Variants in PPM1H observed in about 807,000 individuals in gnomAD.
PPM1H encodes protein phosphatase, Mg2+/Mn2+ dependent 1H.
Under a neutral mutation model 54.9 loss-of-function variants are expected in PPM1H, and 27 were observed. The ratio of observed to expected loss-of-function variants is 0.49; its 90% CI spans 0.36 to 0.68. The LOEUF (loss-of-function observed/expected upper bound fraction) is 0.68, where lower values mean the gene tolerates loss of function less well. Ranked by LOEUF, PPM1H falls within the 30% of genes least tolerant of loss-of-function variation. The probability of loss-of-function intolerance (pLI) is 0.00; values close to 1 mark genes in which losing one functional copy is unlikely to be tolerated. For missense variants in PPM1H, 596 were observed against 667.8 expected (o/e 0.89, Z 1.19); for synonymous variants, 305 against 270.8 (o/e 1.13, Z -1.24).
intron 4 of PPM1H, among the ~76,000 whole-genome samples, chr12:62,770,399 C>A (rs1384110685): frequency 6.6e-6 from 1 of 152,176 alleles, no homozygotes; most frequent in Non-Finnish European, 1.5e-5. Flanking sequence ...GAAGCCAGGA[C>A]CTGAATCCAG....
At chr12:62,909,831 G>A (rs539697771) in intron 1 of PPM1H, among the ~76,000 whole-genome samples, 78 of 152,296 alleles carry the variant, frequency 5.1e-4, no homozygotes, top group African/African-American at 1.8e-3. Flanking sequence ...ACCTTCGCAC[G>A]TGGCAGTGAA....
intron 4 of PPM1H, among the ~76,000 whole-genome samples, chr12:62,739,908 A>G (rs1173388237): frequency 6.6e-6 from 1 of 152,224 alleles, no homozygotes; most frequent in Non-Finnish European, 1.5e-5. Flanking sequence ...CTCCTCAGCT[A>G]TCTTTTCCTC....
intron 9 of PPM1H, among the ~76,000 whole-genome samples, chr12:62,662,117 A>T (rs920261660): frequency 2.6e-5 from 4 of 152,196 alleles, no homozygotes; most frequent in Non-Finnish European, 5.9e-5. Flanking sequence ...TGGCATGTGC[A>T]CGCTGCCCAC....
At chr12:62,689,912 C>T (rs1461715182) in intron 7 of PPM1H, 106 bp from the exon 8 acceptor site, 60 of 716,622 alleles carry the variant, frequency 8.4e-5, no homozygotes, top group Non-Finnish European at 1.2e-4. Context: ...TCCAGTTCCT[C>T]CTGCCCAGAT....
chr12:62,668,484 T>C (rs1224160291), intron 8 of PPM1H, among the ~76,000 whole-genome samples: 4 of 152,170 alleles, frequency 2.6e-5, no homozygotes, highest in African/African-American at 4.8e-5. Context: ...CAAGCGATTC[T>C]CCCGCTTCAG....
chr12:62,898,664 G>C (rs1327499108), intron 1 of PPM1H, among the ~76,000 whole-genome samples: 2 of 152,048 alleles, frequency 1.3e-5, no homozygotes, highest in African/African-American at 4.8e-5. Context: ...AGGCATACTT[G>C]CAAAGAAGCC....
intron 4 of PPM1H, among the ~76,000 whole-genome samples, chr12:62,754,992 G>T (rs1404982711): frequency 6.6e-6 from 1 of 152,176 alleles, no homozygotes; most frequent in Admixed American, 6.5e-5. Flanking sequence ...GGTCAATTCA[G>T]TTCTGAGAGA....
intron 1 of PPM1H, among the ~76,000 whole-genome samples, chr12:62,892,527 C>T (rs1448750716): frequency 6.6e-6 from 1 of 152,192 alleles, no homozygotes; most frequent in Non-Finnish European, 1.5e-5. Flanking sequence ...CTTCACTAAT[C>T]CCAAATTTAC....
At chr12:62,879,756 TATA>T (rs560059829) in intron 1 of PPM1H, among the ~76,000 whole-genome samples, 2 of 151,750 alleles carry the variant, frequency 1.3e-5, no homozygotes, top group African/African-American at 2.4e-5. Context: ...GAACTTAAAG[TATA>T]ATAATAATAA....
intron 9 of PPM1H, among the ~76,000 whole-genome samples, chr12:62,665,993 T>C (rs570866448): frequency 6.6e-6 from 1 of 152,272 alleles, no homozygotes; most frequent in East Asian, 1.9e-4. Context: ...TCTCCCAAAG[T>C]GTTGGGATTA....
rs1477808958 is a variant in PPM1H at position 62,846,449 on chromosome 12, G to A, written c.246-14170C>T. On this transcript the variant is annotated intron_variant, in intron 1 of 9. Transcript: ENST00000228705. Reference sequence around the variant, plus strand: ...CAGGAGGCGGAGGTTGCAGTGAGCCGAGATTGCGCCACTGCACTCCAGCCT... The same window carrying A: ...CAGGAGGCGGAGGTTGCAGTGAGCCAAGATTGCGCCACTGCACTCCAGCCT... 2.6e-5 allele frequency among the ~76,000 whole-genome samples: 4 copies of A among 151,214 alleles called. No homozygotes were observed. In the East Asian group the frequency reaches 5.8e-4, roughly 22 times the overall value.
At position 62,934,635 on chromosome 12, in the gene PPM1H, G is replaced by A. The variant is rs866669891; in HGVS notation, c.102C>T (p.Asp34=). The change falls in exon 1 of 10, where the codon GAC becomes GAT. Residue 34 remains aspartate, a synonymous_variant. Coordinates refer to ENST00000228705, the MANE Select transcript of PPM1H (RefSeq NM_020700.2). This position sits in a 1 kb window ranked among gnomAD's most constrained non-coding sequence, Gnocchi z 4.2. The stretch of plus-strand genomic sequence containing the variant: ...GCCCGTAGGGGAAACGCAGGGGCAG[G>A]TCCGAGCCTCCGCAGCTGCCGCCGC... ...EHGGGSCGGS[D]LPLRFPYGRP... 1.3e-5 allele frequency: 21 copies of A among 1,593,010 alleles called. No homozygotes were observed. The highest frequency in any genetic ancestry group is 1.6e-5 in the Non-Finnish European group (19 of 1,171,352).
At chr12:62,819,896 G>A (rs1044001635) in intron 2 of PPM1H, among the ~76,000 whole-genome samples, 12 of 152,214 alleles carry the variant, frequency 7.9e-5, no homozygotes, top group African/African-American at 2.4e-4. Context: ...TCGAACTGAG[G>A]TACCTGGTTC....
intron 9 of PPM1H, chr12:62,659,065 A>G: frequency 1.4e-6 from 1 of 727,682 alleles, no homozygotes; most frequent in Admixed American, 1.7e-5. Context: ...CACAGCGTCA[A>G]GGAGCCGGAA....
chr12:62,841,237 A>G (rs1292266943), intron 1 of PPM1H, among the ~76,000 whole-genome samples: 3 of 152,194 alleles, frequency 2.0e-5, no homozygotes, highest in Non-Finnish European at 2.9e-5. Context: ...AGTAGCTGCC[A>G]AGTTCAACTT....
At chr12:62,685,498 T>A (rs958162135) in intron 8 of PPM1H, among the ~76,000 whole-genome samples, 2 of 152,248 alleles carry the variant, frequency 1.3e-5, no homozygotes, top group East Asian at 3.8e-4. Context: ...ATTAACTGTA[T>A]AACTTTGGGG....
At chr12:62,713,686 G>T (rs770710199) in intron 6 of PPM1H, among the ~76,000 whole-genome samples, 8 of 152,056 alleles carry the variant, frequency 5.3e-5, no homozygotes, top group Non-Finnish European at 1.2e-4. Context: ...AAACTCTTTG[G>T]GGCCAGGTTT....
At chr12:62,649,222 AT>A (rs748414376) in intron 9 of PPM1H, among the ~76,000 whole-genome samples, 30 of 148,130 alleles carry the variant, frequency 2.0e-4, no homozygotes, top group Middle Eastern at 3.4e-3. Flanking sequence ...AATTTATTTA[AT>A]TTTTTTTTTT....
intron 1 of PPM1H, among the ~76,000 whole-genome samples, chr12:62,847,138 G>A (rs1446535163): frequency 6.6e-6 from 1 of 152,052 alleles, no homozygotes; most frequent in Non-Finnish European, 1.5e-5. Flanking sequence ...ATGAAAGAAA[G>A]AAAAAGGCAG....
Sources: allele counts gnomAD v4.1 joint callset (sites outside exome capture counted in the v4.1 genomes callset), GRCh38; gene constraint gnomAD v4.1.1; non-coding constraint Gnocchi (gnomAD v3.1); transcripts MANE v1.5; gene names NCBI Gene and HGNC (gene_info 2026-07-23, HGNC 2026-07-21).